Variants in EDA observed in about 807,000 individuals in gnomAD.
EDA encodes the protein ectodysplasin A, also known as ectodysplasin-A.
EDA carries 2 observed loss-of-function variants against 23.6 expected under a neutral mutation model. The ratio of observed to expected loss-of-function variants is 0.08; its 90% CI spans 0.03 to 0.27. EDA has a LOEUF of 0.27. EDA is among the 10% of genes least tolerant of loss of function. The probability of loss-of-function intolerance (pLI) is 1.00; values close to 1 mark genes in which losing one functional copy is unlikely to be tolerated. For synonymous variants in EDA, 131 were observed against 132.0 expected (o/e 0.99, Z 0.05); for missense variants, 229 against 324.2 (o/e 0.71, Z 2.26).
chrX:69,711,177 A>T (rs1473081252), intron 1 of EDA, among the ~76,000 whole-genome samples: 2 of 111,342 alleles, frequency 1.8e-5, no homozygotes, highest in Non-Finnish European at 3.8e-5. Context: ...ATCAATACCT[A>T]ACTTATTGAG....
At chrX:70,029,875 C>A (rs903469226) in intron 5 of EDA, among the ~76,000 whole-genome samples, 2 of 112,478 alleles carry the variant, frequency 1.8e-5, no homozygotes, top group Non-Finnish European at 3.8e-5. Context: ...CCACCCCAGA[C>A]ACCTTGCCGG....
At chrX:69,679,587 G>T (rs1371002942) in intron 1 of EDA, among the ~76,000 whole-genome samples, 1 of 111,786 alleles carries the variant, frequency 8.9e-6, no homozygotes, top group Non-Finnish European at 1.9e-5. Context: ...ATTTCTTCTA[G>T]ATTTTCTAGT....
intron 1 of EDA, among the ~76,000 whole-genome samples, chrX:69,763,937 G>C (rs2014387162): frequency 9.0e-6 from 1 of 111,437 alleles, no homozygotes; most frequent in Admixed American, 9.6e-5. Flanking sequence ...AACCAGACTA[G>C]CGTTGACCTG....
intron 1 of EDA, among the ~76,000 whole-genome samples, chrX:69,722,592 G>C (rs2520408): frequency 0.31 from 34,070 of 111,087 alleles, 4,894 homozygotes; most frequent in Middle Eastern, 0.56. Flanking sequence ...GTTATCCTCA[G>C]AATATATCTC....
chrX:69,646,552 T>G (rs971489492), intron 1 of EDA, among the ~76,000 whole-genome samples: 5 of 112,107 alleles, frequency 4.5e-5, no homozygotes, highest in African/African-American at 1.6e-4. Flanking sequence ...CTTCATCCCT[T>G]TATTTTGAGC....
intron 1 of EDA, among the ~76,000 whole-genome samples, chrX:69,734,437 T>G (rs1464080402): frequency 9.0e-6 from 1 of 111,584 alleles, no homozygotes; most frequent in Non-Finnish European, 1.9e-5. Context: ...TTTTTATTGA[T>G]TTCCGTTTTT....
intron 1 of EDA, among the ~76,000 whole-genome samples, chrX:69,843,914 C>T (rs191453106): frequency 6.8e-5 from 7 of 103,027 alleles, no homozygotes; most frequent in African/African-American, 2.1e-4. Flanking sequence ...TCCAGCTACT[C>T]GGGAGGCGGA....
intron 1 of EDA, among the ~76,000 whole-genome samples, chrX:69,857,127 G>T (rs2017274977): frequency 9.0e-6 from 1 of 111,642 alleles, no homozygotes; most frequent in Non-Finnish European, 1.9e-5. Flanking sequence ...GTTGAACAGG[G>T]TGTCATTTCC....
At chrX:69,665,317 G>A (rs1166831837) in intron 1 of EDA, among the ~76,000 whole-genome samples, 1 of 111,575 alleles carries the variant, frequency 9.0e-6, no homozygotes, top group Non-Finnish European at 1.9e-5. Context: ...TTAGTTTGTT[G>A]TAGTCTCATT....
At chrX:69,744,377 G>C (rs1027615827) in intron 1 of EDA, among the ~76,000 whole-genome samples, 1 of 112,000 alleles carries the variant, frequency 8.9e-6, no homozygotes. Flanking sequence ...TTCTGACACA[G>C]AGTGTCTGAC....
chrX:69,630,771 G>C (rs561427196), intron 1 of EDA, among the ~76,000 whole-genome samples: 1 of 111,680 alleles, frequency 9.0e-6, no homozygotes, highest in African/African-American at 3.3e-5. Context: ...GGTTGGTAAT[G>C]GTACTGCATT....
chrX:69,942,513 T>G (rs1219615605), intron 1 of EDA, among the ~76,000 whole-genome samples: 1 of 111,318 alleles, frequency 9.0e-6, no homozygotes, highest in Non-Finnish European at 1.9e-5. Flanking sequence ...AAATATGTCA[T>G]GCCACTCTCT....
intron 1 of EDA, among the ~76,000 whole-genome samples, chrX:69,753,080 G>A (rs1472404052): frequency 5.4e-5 from 6 of 111,559 alleles, no homozygotes; most frequent in African/African-American, 1.9e-4. Context: ...ATCTCCTTCA[G>A]TTCTGCTCTG....
intron 1 of EDA, among the ~76,000 whole-genome samples, chrX:69,893,123 G>C (rs2017958537): frequency 9.0e-6 from 1 of 110,969 alleles, no homozygotes; most frequent in African/African-American, 3.3e-5. Context: ...ATGCCTCTCT[G>C]GTGGCTGCTG....
At chrX:69,993,220 A>G (rs1444941467) in intron 2 of EDA, among the ~76,000 whole-genome samples, 1 of 110,640 alleles carries the variant, frequency 9.0e-6, no homozygotes, top group Non-Finnish European at 1.9e-5. Context: ...ATAAAATAAA[A>G]ATAACCCCCC....
At chrX:69,803,540 C>T (rs1202132041) in intron 1 of EDA, among the ~76,000 whole-genome samples, 1 of 110,962 alleles carries the variant, frequency 9.0e-6, no homozygotes, top group East Asian at 2.9e-4. Context: ...TGAAATTTTG[C>T]TTTCTTGGCA....
At chrX:69,742,978 T>G (rs1248231922) in intron 1 of EDA, 1 of 111,404 alleles carries the variant, frequency 9.0e-6, no homozygotes, top group Non-Finnish European at 1.9e-5. Context: ...TCCAGTACTC[T>G]TCATCTCCTC....
chrX:69,702,829 A>G (rs750840343), intron 1 of EDA, among the ~76,000 whole-genome samples: 2 of 111,778 alleles, frequency 1.8e-5, no homozygotes, highest in Non-Finnish European at 3.8e-5. Context: ...TTAAAACTGT[A>G]AAGTCGAATG....
At position 70,027,686 on chromosome X, in the gene EDA, G is replaced by A. The variant is rs1024130474; in HGVS notation, c.527-171G>A. On this transcript the variant is annotated intron_variant, in intron 3 of 7. Coordinates refer to ENST00000374552, the MANE Select transcript of EDA (RefSeq NM_001399.5). ...AAAAATACAAAAATTAGCAGGTCGC[G>A]GTGGCACGCGCCTGTAATCCCAGTT... 6.3e-5 allele frequency among the ~76,000 whole-genome samples: 7 copies of A among 110,805 alleles called. 1 individual carries two copies. Among genetic ancestry groups the A allele is most frequent in the Non-Finnish European group, 1.3e-4 (7 of 52,868 alleles).
Sources: gnomAD v4.1 joint callset for allele counts (sites outside exome capture counted in the v4.1 genomes callset) on GRCh38, gnomAD v4.1.1 for gene constraint, MANE v1.5 for transcripts, NCBI Gene and HGNC (gene_info 2026-07-23, HGNC 2026-07-21) for gene names.